Variants in CARMIL1 observed in about 807,000 individuals in gnomAD.
The protein encoded by CARMIL1 is F-actin-uncapping protein LRRC16A.
In CARMIL1, 90 loss-of-function variants were observed where a neutral mutation model predicts 177.1. That is an observed-to-expected ratio of 0.51 (90% CI 0.43 to 0.61). The LOEUF (loss-of-function observed/expected upper bound fraction) is 0.61, where lower values mean the gene tolerates loss of function less well. Among genes scored for constraint, CARMIL1 ranks in the 20% least tolerant of loss-of-function variants. The probability of loss-of-function intolerance (pLI) is 0.00; values close to 1 mark genes in which losing one functional copy is unlikely to be tolerated. For missense variants in CARMIL1, 1,380 were observed against 1,667.0 expected, an observed-to-expected ratio of 0.83 and a Z score of 3.00; for synonymous variants, 577 against 606.2, an observed-to-expected ratio of 0.95 and a Z score of 0.71.
chr6:25,335,012 A>G (rs1015974335), intron 2 of CARMIL1, among the ~76,000 whole-genome samples: 6 of 152,176 alleles, frequency 3.9e-5, no homozygotes, highest in African/African-American at 1.4e-4. Flanking sequence ...AAAGGTTTCT[A>G]TATAGGTTAA....
chr6:25,289,953 G>C (rs896939504), intron 2 of CARMIL1, among the ~76,000 whole-genome samples: 10 of 152,306 alleles, frequency 6.6e-5, no homozygotes, highest in African/African-American at 2.4e-4. Flanking sequence ...GAGTGCAATT[G>C]CTGGTTTGCA....
chr6:25,477,247 A>G (rs1801662097), intron 11 of CARMIL1, among the ~76,000 whole-genome samples: 1 of 152,148 alleles, frequency 6.6e-6, no homozygotes. Flanking sequence ...GGAAACTCTC[A>G]AAGAGTTGTA....
At chr6:25,282,395 A>G (rs2744276) in intron 1 of CARMIL1, among the ~76,000 whole-genome samples, 7,536 of 152,090 alleles carry the variant, frequency 0.05, 578 homozygotes, top group African/African-American at 0.16. Context: ...TAGTGCAGTG[A>G]GCTCTTCTAC....
intron 2 of CARMIL1, among the ~76,000 whole-genome samples, chr6:25,419,843 A>G (rs920921723): frequency 6.6e-6 from 1 of 152,244 alleles, no homozygotes. Context: ...TAATCTGAAT[A>G]ATCTGTTGGG....
chr6:25,461,495 G>A (rs1800117316), intron 8 of CARMIL1, among the ~76,000 whole-genome samples: 3 of 152,208 alleles, frequency 2.0e-5, no homozygotes, highest in African/African-American at 7.2e-5. Flanking sequence ...TTCCATGGGT[G>A]AGCTTTCCAT....
chr6:25,524,121 T>C (rs2151086204), intron 23 of CARMIL1, among the ~76,000 whole-genome samples: 1 of 152,278 alleles, frequency 6.6e-6, no homozygotes, highest in South Asian at 2.1e-4. Flanking sequence ...ACTACTTTAG[T>C]AGGACCTTAC....
chr6:25,447,352 C>T (rs934989122), intron 5 of CARMIL1, among the ~76,000 whole-genome samples: 2 of 152,078 alleles, frequency 1.3e-5, no homozygotes, highest in Non-Finnish European at 2.9e-5. Context: ...TAGAACAACC[C>T]AACCAGGCAA....
At chr6:25,339,440 T>G (rs1786667217) in intron 2 of CARMIL1, among the ~76,000 whole-genome samples, 2 of 152,236 alleles carry the variant, frequency 1.3e-5, no homozygotes, top group African/African-American at 4.8e-5. Context: ...CTTTTTCCTT[T>G]TATGAATTCT....
intron 5 of CARMIL1, among the ~76,000 whole-genome samples, chr6:25,438,865 T>G (rs1797470178): frequency 2.0e-5 from 3 of 151,564 alleles, no homozygotes; most frequent in South Asian, 4.2e-4. Flanking sequence ...TTTTTTTTTT[T>G]GTCTGCTAAA....
At chr6:25,396,944 A>G (rs1016115658) in intron 2 of CARMIL1, among the ~76,000 whole-genome samples, 3 of 152,060 alleles carry the variant, frequency 2.0e-5, no homozygotes, top group African/African-American at 7.2e-5. Context: ...TGTCTTCTGT[A>G]ACACATGGGG....
chr6:25,421,206 GA>G (rs1795823414), intron 3 of CARMIL1, among the ~76,000 whole-genome samples: 1 of 152,212 alleles, frequency 6.6e-6, no homozygotes, highest in Non-Finnish European at 1.5e-5. Context: ...TGAGTGATTA[GA>G]AAATAGCTAA....
intron 23 of CARMIL1, among the ~76,000 whole-genome samples, chr6:25,521,717 T>C (rs1042592508): frequency 6.9e-6 from 1 of 144,762 alleles, no homozygotes; most frequent in Non-Finnish European, 1.5e-5. Flanking sequence ...TGCAGTGAGC[T>C]GAGATCCATG....
chr6:25,591,286 G>A (rs1310660331), intron 31 of CARMIL1, among the ~76,000 whole-genome samples: 1 of 152,176 alleles, frequency 6.6e-6, no homozygotes, highest in African/African-American at 2.4e-5. Flanking sequence ...TAGTCCTCAC[G>A]ATCACCAGCT....
At chr6:25,388,024 A>AT (rs1554184255) in intron 2 of CARMIL1, 1 of 152,220 alleles carries the variant, frequency 6.6e-6, no homozygotes, top group Non-Finnish European at 1.5e-5. Context: ...TCTTGAGCAG[A>AT]TAGGCAAGTA....
chr6:25,568,353 G>A (rs3804126), intron 29 of CARMIL1, among the ~76,000 whole-genome samples: 25,018 of 152,226 alleles, frequency 0.16, 2,359 homozygotes, highest in East Asian at 0.4. Flanking sequence ...AAGAAAACCT[G>A]AAGGAGTTGT....
At chr6:25,451,311 T>C (rs1315179895) in intron 8 of CARMIL1, among the ~76,000 whole-genome samples, 1 of 152,172 alleles carries the variant, frequency 6.6e-6, no homozygotes, top group Non-Finnish European at 1.5e-5. Flanking sequence ...ACCCTGTCTA[T>C]AAAATGTAGT....
intron 31 of CARMIL1, among the ~76,000 whole-genome samples, chr6:25,590,892 A>C (rs912040037): frequency 6.6e-6 from 1 of 152,016 alleles, no homozygotes; most frequent in African/African-American, 2.4e-5. Flanking sequence ...CTCTTTTTCT[A>C]AGAGTCAACT....
chr6:25,504,780 G>A (rs986713585), intron 17 of CARMIL1, among the ~76,000 whole-genome samples: 1 of 152,198 alleles, frequency 6.6e-6, no homozygotes, highest in African/African-American at 2.4e-5. Context: ...GTAGTTATGG[G>A]AGGCAAAAGA....
At chr6:25,320,936 G>A (rs1200744958) in intron 2 of CARMIL1, among the ~76,000 whole-genome samples, 1 of 152,216 alleles carries the variant, frequency 6.6e-6, no homozygotes, top group Admixed American at 6.5e-5. Flanking sequence ...GTTTAAGAAA[G>A]TGTATGAATT....
Sources: allele counts gnomAD v4.1 joint callset (sites outside exome capture counted in the v4.1 genomes callset), GRCh38; gene constraint gnomAD v4.1.1; transcripts MANE v1.5; gene names NCBI Gene and HGNC (gene_info 2026-07-23, HGNC 2026-07-21).